The following ROBO1 variants were observed in gnomAD, a reference collection of about 807,000 sequenced individuals.
ROBO1 encodes roundabout homolog 1.
In ROBO1, 149 loss-of-function variants were observed where a neutral mutation model predicts 195.9. The observed-to-expected ratio is 0.76, with a 90% CI of 0.67 to 0.87. The LOEUF is 0.87. Ranked by LOEUF, ROBO1 falls within the 40% of genes least tolerant of loss-of-function variation. The probability of loss-of-function intolerance (pLI) is 0.00; values close to 1 mark genes in which losing one functional copy is unlikely to be tolerated. For synonymous variants in ROBO1, 816 were observed against 733.2 expected (o/e 1.11, Z -1.82); for missense variants, 1,933 against 2,068.3 (o/e 0.93, Z 1.27).
At chr3:79,759,679 C>T (rs942018853) in intron 1 of ROBO1, among the ~76,000 whole-genome samples, 5 of 152,082 alleles carry the variant, frequency 3.3e-5, no homozygotes, top group East Asian at 1.9e-4. Flanking sequence ...AAACATAATC[C>T]GATTTTGTTT....
intron 1 of ROBO1, among the ~76,000 whole-genome samples, chr3:79,648,444 A>C (rs1055423470): frequency 6.6e-6 from 1 of 152,154 alleles, no homozygotes; most frequent in Non-Finnish European, 1.5e-5. Flanking sequence ...CCTGATCACA[A>C]CTATAAAAAC....
chr3:79,397,000 A>T (rs2037180328), intron 2 of ROBO1, among the ~76,000 whole-genome samples: 1 of 152,114 alleles, frequency 6.6e-6, no homozygotes, highest in South Asian at 2.1e-4. Context: ...TTTATTTAAG[A>T]TTTAAAAATC....
intron 4 of ROBO1, among the ~76,000 whole-genome samples, chr3:78,823,068 T>C (rs1362946081): frequency 6.6e-6 from 1 of 152,224 alleles, no homozygotes; most frequent in Non-Finnish European, 1.5e-5. Context: ...TTTATTCTAA[T>C]GGCAAAACTG....
chr3:78,959,795 T>C (rs1255997526), intron 3 of ROBO1, among the ~76,000 whole-genome samples: 1 of 152,204 alleles, frequency 6.6e-6, no homozygotes, highest in Non-Finnish European at 1.5e-5. Context: ...TGTGACAATA[T>C]AGCATCTGGT....
chr3:78,881,160 T>A (rs1173486383), intron 4 of ROBO1, among the ~76,000 whole-genome samples: 1 of 152,140 alleles, frequency 6.6e-6, no homozygotes, highest in Non-Finnish European at 1.5e-5. Context: ...CCAGCAGAGA[T>A]GAGTTTTATT....
At chr3:78,930,212 T>C (rs2039435038) in intron 4 of ROBO1, among the ~76,000 whole-genome samples, 1 of 152,192 alleles carries the variant, frequency 6.6e-6, no homozygotes, top group Non-Finnish European at 1.5e-5. Flanking sequence ...GATGTGGCAC[T>C]ATGATGCTTA....
At chr3:78,612,988 T>C (rs1703906614) in intron 28 of ROBO1, among the ~76,000 whole-genome samples, 1 of 152,214 alleles carries the variant, frequency 6.6e-6, no homozygotes, top group South Asian at 2.1e-4. Flanking sequence ...TAATAGTTAT[T>C]ATTCAGGGAT....
At chr3:79,411,869 T>C (rs1472337598) in intron 2 of ROBO1, among the ~76,000 whole-genome samples, 2 of 152,114 alleles carry the variant, frequency 1.3e-5, no homozygotes, top group African/African-American at 4.8e-5. Flanking sequence ...TTCCTAAATA[T>C]AATGAAGAAA....
Position 78,643,683 on chromosome 3 carries a change from G to C in ROBO1, c.2882+2465C>G, listed in dbSNP as rs575694893. 2.9e-3 allele frequency among the ~76,000 whole-genome samples: 436 copies of C among 152,148 alleles called. 1 individual carries two copies. The highest frequency in any genetic ancestry group is 4.6e-3 in the Non-Finnish European group (314 of 67,992). On this transcript the variant is annotated intron_variant, in intron 21 of 30. Coordinates refer to ENST00000464233, the MANE Select transcript of ROBO1 (RefSeq NM_002941.4). ...TGGATCTGATATTCTAAACATGATA[G>C]GTCCTATTGATAATGGGATTTTCTG...
chr3:78,865,914 T>C (rs2035147516), intron 4 of ROBO1, among the ~76,000 whole-genome samples: 1 of 152,186 alleles, frequency 6.6e-6, no homozygotes, highest in Non-Finnish European at 1.5e-5. Flanking sequence ...ATATAAAGTA[T>C]ATTTAGCCTT....
chr3:78,644,497 G>C (rs531484150), intron 21 of ROBO1, among the ~76,000 whole-genome samples: 3 of 152,028 alleles, frequency 2.0e-5, no homozygotes, highest in Admixed American at 6.6e-5. Flanking sequence ...TGTTGCCTCC[G>C]TAACATCCCA....
At chr3:79,147,373 CT>C (rs2108628951) in intron 2 of ROBO1, among the ~76,000 whole-genome samples, 1 of 152,020 alleles carries the variant, frequency 6.6e-6, no homozygotes, top group South Asian at 2.1e-4. Context: ...TGTAAGAACA[CT>C]GAGCAGGTGA....
intron 5 of ROBO1, 60 bp from the exon 6 acceptor site, chr3:78,717,943 AGAT>A: frequency 1.3e-6 from 2 of 1,541,872 alleles, no homozygotes; most frequent in Non-Finnish European, 1.8e-6. Flanking sequence ...TTTACATGAC[AGAT>A]GTCTTCATAA....
rs2040402550 is a variant in ROBO1 at position 78,945,800 on chromosome 3, G to A, written c.173-6873C>T. On this transcript the variant is annotated intron_variant, in intron 3 of 30. Transcript: ENST00000464233. Reference sequence around the variant, plus strand: ...ATATTAGATGAATGGATAACTAGAAGAACCAATACAGAGAAGTCCTTAAAG... The same window carrying A: ...ATATTAGATGAATGGATAACTAGAAAAACCAATACAGAGAAGTCCTTAAAG... Among the ~76,000 whole-genome samples, 4 of 152,088 alleles carry A rather than the reference G, an allele frequency of 2.6e-5. No homozygotes were observed. The South Asian group carries it at 6.2e-4, about 24-fold the overall frequency.
intron 1 of ROBO1, among the ~76,000 whole-genome samples, chr3:79,725,631 A>G (rs1448543159): frequency 6.6e-6 from 1 of 152,146 alleles, no homozygotes; most frequent in Non-Finnish European, 1.5e-5. Context: ...CCAATCCTGT[A>G]ATGTTATAAT....
chr3:79,304,099 C>T (rs2109070965), intron 2 of ROBO1, among the ~76,000 whole-genome samples: 1 of 152,158 alleles, frequency 6.6e-6, no homozygotes, highest in Middle Eastern at 3.4e-3. Flanking sequence ...CCTTTTGATA[C>T]TATAAAGCAT....
chr3:78,644,662 T>G (rs1391327946), intron 21 of ROBO1, among the ~76,000 whole-genome samples: 1 of 152,160 alleles, frequency 6.6e-6, no homozygotes, highest in Non-Finnish European at 1.5e-5. Flanking sequence ...ACTTTGTAAT[T>G]TTTCCATCCT....
chr3:79,664,883 G>A (rs1452139784), intron 1 of ROBO1, among the ~76,000 whole-genome samples: 3 of 151,974 alleles, frequency 2.0e-5, no homozygotes, highest in Non-Finnish European at 4.4e-5. Flanking sequence ...TGTCTGACCA[G>A]TAGATAGTTA....
chr3:79,330,380 T>C (rs1413633875), intron 2 of ROBO1, among the ~76,000 whole-genome samples: 1 of 150,048 alleles, frequency 6.7e-6, no homozygotes, highest in Non-Finnish European at 1.5e-5. Flanking sequence ...AAACTAAGAC[T>C]CAAAGGTTAA....
Sources: gnomAD v4.1 joint callset for allele counts (sites outside exome capture counted in the v4.1 genomes callset) on GRCh38, gnomAD v4.1.1 for gene constraint, MANE v1.5 for transcripts, NCBI Gene and HGNC (gene_info 2026-07-23, HGNC 2026-07-21) for gene names.